Variants in ANGPTL6 observed in about 807,000 individuals in gnomAD.
ANGPTL6 encodes angiopoietin-related protein 6.
ANGPTL6 carries 45 observed loss-of-function variants against 47.4 expected under a neutral mutation model. That is an observed-to-expected ratio of 0.95 (90% confidence interval 0.75 to 1.22). The LOEUF is 1.22. ANGPTL6 is among the 50% of genes most tolerant of loss of function. ANGPTL6 has a pLI of 0.00. For missense variants in ANGPTL6, 698 were observed against 669.4 expected (o/e 1.04, Z -0.47); for synonymous variants, 290 against 295.9 (o/e 0.98, Z 0.20).
At chr19:10,106,029 G>A (rs571130715), upstream of ANGPTL6, among the ~76,000 whole-genome samples, 18 of 152,242 alleles carry the variant, frequency 1.2e-4, no homozygotes, top group Non-Finnish European at 1.6e-4. Context: ...GTGCATACAT[G>A]GTCGCTCCTA....
intron 1 of ANGPTL6, among the ~76,000 whole-genome samples, chr19:10,101,288 A>C (rs891649276): frequency 1.3e-5 from 2 of 152,164 alleles, no homozygotes; most frequent in African/African-American, 4.8e-5. Flanking sequence ...TCATGCCTGT[A>C]ATTTCAGCAC....
intron 3 of ANGPTL6, 53 bp from the exon 4 acceptor site, chr19:10,093,933 C>A: frequency 6.4e-7 from 1 of 1,569,468 alleles, no homozygotes; most frequent in Non-Finnish European, 8.7e-7. Flanking sequence ...CAATCCCTTA[C>A]TGGAGCAAGA....
In ANGPTL6 at chr19:10,093,444, C is replaced by T. The variant is rs2088446692; in HGVS notation, c.1127G>A (p.Arg376Gln). 8 of 1,614,082 alleles carry T rather than the reference C, an allele frequency of 5.0e-6. No homozygotes were observed. The highest frequency in any genetic ancestry group is 6.8e-6 in the Non-Finnish European group (8 of 1,180,056). Residue 376 changes from arginine to glutamine, a missense_variant, in exon 5 of 6, where the codon CGG becomes CAG. Physicochemically the swap from Arg to Gln is conservative, Grantham distance 43. Transcript: ENST00000253109. ...AGCATCACCATGGTACTGGCCAAGC[C>T]GCAGGCGGTAGTGGTCGCTCTCGGG... is the stretch of plus-strand genomic sequence containing the variant. ...LEPESDHYRL[R>Q]LGQYHGDAGD...
At chr19:10,106,073 T>C, upstream of ANGPTL6, 1 of 500,744 alleles carries the variant, frequency 2.0e-6, no homozygotes, top group Non-Finnish European at 3.5e-6. Flanking sequence ...TCAGCCTTAC[T>C]TTGGGATATT....
upstream of ANGPTL6, chr19:10,102,763 C>G: frequency 4.1e-6 from 4 of 984,526 alleles, no homozygotes; most frequent in Non-Finnish European, 4.8e-6. Flanking sequence ...GCCCAGGAGC[C>G]CAAACTATAA....
rs943733856 is a variant in ANGPTL6, at chr19:10,096,348, G to C, written c.216C>G (p.His72Gln). ...LAALRMRVGR[H>Q]EELLRELQRL... The stretch of plus-strand genomic sequence containing the variant: ...TCTGCAGCTCGCGTAACAGCTCCTC[G>C]TGGCGGCCGACGCGCATGCGCAGCG... The change falls in exon 2 of 6, where the codon CAC becomes CAG. Residue 72 changes from histidine (H) to glutamine (Q), a missense_variant. By Grantham distance (24) the His-to-Gln change is conservative. Coordinates refer to ENST00000253109, the MANE Select transcript of ANGPTL6 (RefSeq NM_031917.3). The C allele has an allele frequency of 3.7e-5, 47 of 1,285,524 alleles. No homozygotes were observed. In the African/African-American group the frequency reaches 6.5e-4, roughly 18 times the overall value. The allele number at this position is 1,285,524 out of a possible 1,614,324, so 79.6% of individuals were successfully genotyped here. A position where few individuals can be genotyped will look rare whatever the true frequency, so the allele number is the denominator to read the frequency against.
In ANGPTL6 at chr19:10,096,047, G is replaced by A. The variant is rs752464657; in HGVS notation, c.517C>T (p.Gln173Ter). ...AGGCGGGCGATGAGACTGCTCTGCT[G>A]GGTGACGAGCTGCGCCAGCTCGCGG... ...KFRELAQLVT[Q>*]QSSLIARLER... The change falls in exon 2 of 6, where the codon CAG becomes TAG. Residue 173 changes from glutamine (Q) to a stop codon, truncating the protein, a stop_gained. Transcript: ENST00000253109. LOFTEE classifies it high-confidence loss of function. 6 of 1,457,780 alleles carry A rather than the reference G, an allele frequency of 4.1e-6. No homozygotes were observed. In the South Asian group the frequency reaches 8.1e-5, roughly 20 times the overall value. The allele number at this position is 1,457,780 out of a possible 1,614,324, so 90.3% of individuals were successfully genotyped here. A position where few individuals can be genotyped will look rare whatever the true frequency, so the allele number is the denominator to read the frequency against.
At chr19:10,097,362 A>T (rs949528772) in intron 1 of ANGPTL6, among the ~76,000 whole-genome samples, 8 of 151,630 alleles carry the variant, frequency 5.3e-5, no homozygotes, top group African/African-American at 1.9e-4. Context: ...AGCCTGGGCG[A>T]CAGAGCAAGA....
At chr19:10,097,739 G>A (rs2088583119) in intron 1 of ANGPTL6, among the ~76,000 whole-genome samples, 1 of 152,066 alleles carries the variant, frequency 6.6e-6, no homozygotes, top group Non-Finnish European at 1.5e-5. Flanking sequence ...TGTAGTCCCA[G>A]CTACTTGGGA....
intron 1 of ANGPTL6, among the ~76,000 whole-genome samples, chr19:10,098,652 C>T (rs536797478): frequency 1.3e-5 from 2 of 152,096 alleles, no homozygotes; most frequent in South Asian, 2.1e-4. Context: ...TAGTGAAACC[C>T]CATCTCTACT....
intron 1 of ANGPTL6, among the ~76,000 whole-genome samples, chr19:10,097,172 G>A (rs2088567836): frequency 6.6e-6 from 1 of 152,186 alleles, no homozygotes; most frequent in African/African-American, 2.4e-5. Flanking sequence ...TTGGGAGGCC[G>A]AGGTGGGCTG....
In ANGPTL6 at chr19:10,096,202, C is replaced by T. The variant is rs1343086634; in HGVS notation, c.362G>A (p.Gly121Glu). The T allele has an allele frequency of 8.2e-7, 1 of 1,224,438 alleles. No individual in the cohort carries two copies. Among genetic ancestry groups the T allele is most frequent in the Non-Finnish European group, 1.0e-6 (1 of 983,174 alleles). 75.8% of individuals were successfully genotyped at this position (1,224,438 alleles called of 1,614,324 possible). Residue 121 changes from glycine to glutamate, a missense_variant, in exon 2 of 6, where the codon GGG becomes GAG. Physicochemically the swap from Gly to Glu is moderately conservative, Grantham distance 98. Coordinates refer to ENST00000253109, the MANE Select transcript of ANGPTL6 (RefSeq NM_031917.3). ...CCCCAGATCCGCCCCCGGGCCCGCC[C>T]CGGGCCCCGCCTCGTGCTGCAGCTG... ...RAQLQHEAGPGAGPGADLGAE... is the reference protein window; with the variant it reads ...RAQLQHEAGPEAGPGADLGAE...
upstream of ANGPTL6, among the ~76,000 whole-genome samples, chr19:10,104,575 T>C (rs1405421227): frequency 6.6e-6 from 1 of 152,160 alleles, no homozygotes; most frequent in Non-Finnish European, 1.5e-5. Context: ...CATTGTCATA[T>C]TGGATCTGAA....
rs1462865308 is a variant in ANGPTL6 at position 10,093,364 on chromosome 19, G to T, written c.1207C>A (p.Arg403=). ...TTCTCCTTACCAGAATAGGAGTCTC[G>T]GTCCCTATCCACGGTGCTGAAGGGC... The part of the protein sequence containing the change: ...DKPFSTVDRD[R]DSYSGNCALY... Residue 403 remains arginine, a synonymous_variant, in exon 5 of 6, where the codon CGA becomes AGA. Coordinates refer to ENST00000253109, the MANE Select transcript of ANGPTL6 (RefSeq NM_031917.3). The T allele has an allele frequency of 1.9e-6, 3 of 1,613,278 alleles. No homozygotes were observed. Among genetic ancestry groups the T allele is most frequent in the South Asian group, 1.1e-5 (1 of 91,068 alleles).
Position 10,101,702 on chromosome 19 carries a change from T to C in ANGPTL6, c.-11+866A>G, listed in dbSNP as rs371135126. ...GCATGCCTGTAATCCCAGCTACTAC[T>C]CAGGAGGCTGAGGTGGGAGAGTCAC... On this transcript the variant is annotated intron_variant, in intron 1 of 5. Transcript: ENST00000253109. 6.7e-5 allele frequency among the ~76,000 whole-genome samples: 10 copies of C among 148,998 alleles called. No homozygotes were observed. The East Asian group carries it at 1.6e-3, about 23-fold the overall frequency.
Position 10,092,595 on chromosome 19 carries a change from C to A in ANGPTL6, c.1407G>T (p.Lys469Asn). 1 of 1,604,004 alleles carries A rather than the reference C, an allele frequency of 6.2e-7. No individual in the cohort carries two copies. Among genetic ancestry groups the A allele is most frequent in the Non-Finnish European group, 8.5e-7 (1 of 1,172,742 alleles). ...GGGACAGAGGAACACAGAGTCACAG[C>A]TTCAGGGGCCGAATGAGCATGGCGG... ...RKAAMLIRPL[K>N]L The change falls in exon 6 of 6, where the codon AAG (lysine) becomes AAT (asparagine). Residue 469 changes from lysine (K) to asparagine (N), a missense_variant. Lys to Asn is a moderately conservative substitution (Grantham distance 94). Coordinates refer to ENST00000253109, the MANE Select transcript of ANGPTL6 (RefSeq NM_031917.3).
intron 1 of ANGPTL6, among the ~76,000 whole-genome samples, chr19:10,098,750 G>A (rs753216166): frequency 6.6e-6 from 1 of 151,772 alleles, no homozygotes; most frequent in African/African-American, 2.4e-5. Context: ...CTTGAACCTG[G>A]GAGGTGGAGG....
At chr19:10,102,777 T>A (rs1247076277), upstream of ANGPTL6, 1 of 983,980 alleles carries the variant, frequency 1.0e-6, no homozygotes, top group Admixed American at 6.2e-5. Flanking sequence ...ACTATAAATA[T>A]TTAGCATTTC....
rs1189545341 is a variant in ANGPTL6, at chr19:10,094,815, C to T, written c.706G>A (p.Glu236Lys). Reference sequence around the variant, plus strand: ...GCAGGCATGGGAGAAGCCATGGGCTCCTGCTGTCTCTGGGTCTGGTCTCTC... The same window carrying T: ...GCAGGCATGGGAGAAGCCATGGGCTTCTGCTGTCTCTGGGTCTGGTCTCTC... ...PQRDQTQRQQ[E>K]PMASPMPAGH... Residue 236 changes from glutamate (E) to lysine (K), a missense_variant, in exon 3 of 6, where the codon GAG (glutamate) becomes AAG (lysine). Glu to Lys is a moderately conservative substitution (Grantham distance 56). Transcript: ENST00000253109. 6.8e-6 allele frequency: 11 copies of T among 1,614,094 alleles called. No homozygotes were observed. Among genetic ancestry groups the T allele is most frequent in the Non-Finnish European group, 9.3e-6 (11 of 1,180,044 alleles).
Sources: gnomAD v4.1 joint callset for allele counts (sites outside exome capture counted in the v4.1 genomes callset) on GRCh38, gnomAD v4.1.1 for gene constraint, MANE v1.5 for transcripts, NCBI Gene and HGNC (gene_info 2026-07-23, HGNC 2026-07-21) for gene names.